PHF19: variants seen among roughly 807,000 people sequenced by gnomAD.
PHF19 encodes PHD finger protein 19.
A neutral mutation model predicts 79.8 loss-of-function variants in PHF19; 21 were observed. The ratio of observed to expected loss-of-function variants is 0.26; its 90% CI spans 0.19 to 0.38. The LOEUF (loss-of-function observed/expected upper bound fraction) is 0.38. Ranked by LOEUF, PHF19 falls within the 10% of genes least tolerant of loss-of-function variation. The pLI is 1.00. For synonymous variants in PHF19, 273 were observed against 296.3 expected (o/e 0.92, Z 0.81); for missense variants, 445 against 744.2 (o/e 0.60, Z 4.68).
the PHF19 span, among the ~76,000 whole-genome samples, chr9:120,900,867 A>G: frequency 2.0e-5 from 3 of 152,192 alleles, no homozygotes; most frequent in Admixed American, 2.0e-4. Context: ...TGCTTGGCCT[A>G]GTTTTTCTAT....
chr9:120,896,159 G>T (rs766514868), upstream of PHF19, among the ~76,000 whole-genome samples: 1 of 152,088 alleles, frequency 6.6e-6, no homozygotes, highest in Non-Finnish European at 1.5e-5. Context: ...GGTTTTAAGG[G>T]GAGGAATTAT....
At position 120,858,237 on chromosome 9, in the gene PHF19, G is replaced by C; in HGVS notation, c.1450C>G (p.Pro484Ala). ...KRKLAAKAYM[P>A]LRAKRWAAEL... is the part of the protein sequence containing the mutation. ...GCTGCCCACCGCTTTGCCCGCAGGGGCATGTATGCCTTGGCTGCCAGCTTC... is the reference window on the plus strand; with the variant it reads ...GCTGCCCACCGCTTTGCCCGCAGGGCCATGTATGCCTTGGCTGCCAGCTTC... Residue 484 changes from proline (P) to alanine (A), a missense_variant, in exon 15 of 15, where the codon CCC becomes GCC. This residue lies in a region of PHF19 where 125 missense variants were observed against 180.5 expected (regional missense o/e 0.69). Transcript: ENST00000373896. 6.4e-7 allele frequency: 1 copy of C among 1,561,194 alleles called. No homozygotes were observed. Among genetic ancestry groups the C allele is most frequent in the Non-Finnish European group, 8.7e-7 (1 of 1,147,830 alleles).
In PHF19 at chr9:120,863,276, C is replaced by G. The variant is rs556082778; in HGVS notation, c.969-527G>C. Among the ~76,000 whole-genome samples, 8 of 151,160 alleles carry G rather than the reference C, an allele frequency of 5.3e-5. No homozygotes were observed. In the East Asian group the frequency reaches 1.0e-3, roughly 19 times the overall value. On this transcript the variant is annotated intron_variant, in intron 10 of 14. Transcript: ENST00000373896. Reference sequence around the variant, plus strand: ...CTTGTACTGAAGAGCAGAGCTTTGTCTGGGCCCTAAACCATGAGAATGTGG... The same window carrying G: ...CTTGTACTGAAGAGCAGAGCTTTGTGTGGGCCCTAAACCATGAGAATGTGG...
At chr9:120,861,770 T>C in intron 12 of PHF19, 148 bp downstream of exon 12, 1 of 705,952 alleles carries the variant, frequency 1.4e-6, no homozygotes, top group Non-Finnish European at 2.6e-6. Flanking sequence ...GGTCTTAGAG[T>C]GCCTGGCTTA....
chr9:120,866,010 TA>T lies in PHF19; in HGVS notation c.779+17del. ...CTGGGAGGAGCAGCGGTGGTTGGAC[TA>T]AGCCCCACCCTCTCACCATCGCAGG... On this transcript the variant is annotated intron_variant, in intron 8 of 14. Coordinates refer to ENST00000373896, the MANE Select transcript of PHF19 (RefSeq NM_015651.3). This position sits in a 1 kb window ranked among gnomAD's most constrained non-coding sequence, Gnocchi z 5.2. The T allele has an allele frequency of 6.2e-7, 1 of 1,605,330 alleles. No homozygotes were observed. Among genetic ancestry groups the T allele is most frequent in the Non-Finnish European group, 8.5e-7 (1 of 1,172,226 alleles).
intron 14 of PHF19, 22 bp from the exon 15 acceptor site, chr9:120,858,308 A>G (rs1588084500): frequency 6.7e-7 from 1 of 1,498,350 alleles, no homozygotes; most frequent in Non-Finnish European, 8.9e-7. Context: ...GTGGGAGAGG[A>G]AGATGATGAG....
chr9:120,869,806 G>A lies in PHF19; in HGVS notation c.465+39C>T, dbSNP rs1212180646. The A allele has an allele frequency of 1.2e-6, 2 of 1,612,336 alleles. No individual in the cohort carries two copies. Among genetic ancestry groups the A allele is most frequent in the Middle Eastern group, 1.7e-4 (1 of 6,058 alleles). On this transcript the variant is annotated intron_variant, in intron 5 of 14. Transcript: ENST00000373896. The surrounding 1 kb of genome is among the most constrained non-coding windows in gnomAD (Gnocchi z 5.8). ...GTCTCTGGTCTGCCCCACTGGAGGA[G>A]GCAGGAGAGGCAGGGACTGGGGAGG...
At chr9:120,880,870 AGATT>A (rs1260385065), upstream of PHF19, among the ~76,000 whole-genome samples, 4 of 151,982 alleles carry the variant, frequency 2.6e-5, no homozygotes, top group Non-Finnish European at 4.4e-5. Flanking sequence ...TGAGGTGGGA[AGATT>A]GATTGAGCCC....
At chr9:120,886,014 T>C (rs2046257864) in intron 1 of PHF19, among the ~76,000 whole-genome samples, 1 of 152,224 alleles carries the variant, frequency 6.6e-6, no homozygotes, top group African/African-American at 2.4e-5. Context: ...TTCTGCTCCC[T>C]GATCTTCGGC....
At chr9:120,898,817 G>GT (rs907348303), upstream of PHF19, among the ~76,000 whole-genome samples, 2 of 152,152 alleles carry the variant, frequency 1.3e-5, no homozygotes, top group Non-Finnish European at 2.9e-5. Context: ...TTCCTGATGG[G>GT]TTTTTTATGA....
chr9:120,865,245 T>G (rs2045664717), intron 9 of PHF19, among the ~76,000 whole-genome samples: 1 of 152,194 alleles, frequency 6.6e-6, no homozygotes, highest in South Asian at 2.1e-4. Context: ...AGGCCCTGGC[T>G]CCAGCTCTGG....
In PHF19 at chr9:120,861,115, C is replaced by T. The variant is rs549707932; in HGVS notation, c.1278G>A (p.Thr426=). 2.5e-6 allele frequency: 4 copies of T among 1,608,524 alleles called. No homozygotes were observed. The highest frequency in any genetic ancestry group is 2.2e-5 in the East Asian group (1 of 44,840). ...NHHLASIFDF[T]LDEIQSLKSA... ...TTTTTAAACTTTGAATTTCATCCAG[C>T]GTGAAGTCAAATATGCTAGCCAGGT... Residue 426 remains threonine (T), a synonymous_variant, in exon 13 of 15, where the codon ACG becomes ACA. Coordinates refer to ENST00000373896, the MANE Select transcript of PHF19 (RefSeq NM_015651.3).
chr9:120,887,229 C>T (rs541930352), intron 1 of PHF19, among the ~76,000 whole-genome samples: 45 of 151,842 alleles, frequency 3.0e-4, no homozygotes, highest in Non-Finnish European at 5.0e-4. Flanking sequence ...CCAAGGTGGG[C>T]GGATCACCTG....
chr9:120,862,844 T>C lies in PHF19; in HGVS notation c.969-95A>G, dbSNP rs2045574884. ...GCATGACACAAGCCTCTCTGCCTCC[T>C]TGGACCCAGAGCTAAAATCCGGATG... On this transcript the variant is annotated intron_variant, in intron 10 of 14. Transcript: ENST00000373896. This position sits in a 1 kb window ranked among gnomAD's most constrained non-coding sequence, Gnocchi z 4.6. 28 of 1,185,282 alleles carry C rather than the reference T, an allele frequency of 2.4e-5. No homozygotes were observed. Among genetic ancestry groups the C allele is most frequent in the South Asian group, 5.2e-5 (4 of 76,412 alleles). 73.4% of individuals were successfully genotyped at this position (1,185,282 alleles called of 1,614,324 possible). A position where few individuals can be genotyped will look rare whatever the true frequency, so the allele number is the denominator to read the frequency against.
chr9:120,884,695 G>T (rs2046238767), intron 1 of PHF19, among the ~76,000 whole-genome samples: 1 of 151,214 alleles, frequency 6.6e-6, no homozygotes, highest in South Asian at 2.1e-4. Flanking sequence ...ATCACCAGAG[G>T]CCAGGAGTTT....
chr9:120,860,041 G>A lies in PHF19; in HGVS notation c.1400+49C>T, dbSNP rs779720796. ...AAGTGGGAGGTGGAGGGGCTGAGAG[G>A]AATGATGGTCCTTGCAAAATGTGAA... On this transcript the variant is annotated intron_variant, in intron 14 of 14. Coordinates refer to ENST00000373896, the MANE Select transcript of PHF19 (RefSeq NM_015651.3). This position sits in a 1 kb window ranked among gnomAD's most constrained non-coding sequence, Gnocchi z 4.1. 2.8e-5 allele frequency: 26 copies of A among 930,988 alleles called. No homozygotes were observed. The highest frequency in any genetic ancestry group is 4.1e-5 in the Non-Finnish European group (24 of 579,352). The allele number at this position is 930,988 out of a possible 1,614,324, so 57.7% of individuals were successfully genotyped here.
intron 1 of PHF19, chr9:120,876,289 GGCTCGCCCGGCGCTGCGAGGTCCCC>G (rs1457574512): frequency 3.9e-5 from 6 of 152,272 alleles, no homozygotes; most frequent in African/African-American, 1.4e-4. Flanking sequence ...CCTGCCACCT[GGCTCGCCCGGCGCTGCGAGGTCCCC>G]GCCCGCCCGG....
Position 120,866,155 on chromosome 9 carries a change from G to A in PHF19, c.711-59C>T. On this transcript the variant is annotated intron_variant, in intron 7 of 14. Coordinates refer to ENST00000373896, the MANE Select transcript of PHF19 (RefSeq NM_015651.3). The surrounding 1 kb of genome is among the most constrained non-coding windows in gnomAD (Gnocchi z 5.2). ...GAGGGGCTCTGACACCCCCACCCCA[G>A]TCCAGCCCCTTGATCTCCTCATTCC... 8.2e-7 allele frequency: 1 copy of A among 1,222,344 alleles called. No homozygotes were observed. The highest frequency in any genetic ancestry group is 1.2e-5 in the South Asian group (1 of 83,236). The allele number at this position is 1,222,344 out of a possible 1,614,324, so 75.7% of individuals were successfully genotyped here. A position where few individuals can be genotyped will look rare whatever the true frequency, so the allele number is the denominator to read the frequency against.
upstream of PHF19, among the ~76,000 whole-genome samples, chr9:120,880,705 A>G (rs780411798): frequency 6.6e-6 from 1 of 152,242 alleles, no homozygotes; most frequent in Non-Finnish European, 1.5e-5. Context: ...TCAAGTCTGT[A>G]TTCCAGCGCT....
Sources: gnomAD v4.1 joint callset for allele counts (sites outside exome capture counted in the v4.1 genomes callset) on GRCh38, gnomAD v4.1.1 for gene constraint, gnomAD v4.1.1 regional missense constraint, Gnocchi (gnomAD v3.1) non-coding constraint, MANE v1.5 for transcripts, NCBI Gene and HGNC (gene_info 2026-07-23, HGNC 2026-07-21) for gene names.